Variants in CEP162 observed in about 807,000 individuals in gnomAD.
CEP162 encodes the protein centrosomal protein 162, also known as centrosomal protein of 162 kDa.
CEP162 carries 141 observed loss-of-function variants against 169.2 expected under a neutral mutation model. The ratio of observed to expected loss-of-function variants is 0.83; its 90% CI spans 0.73 to 0.96. The LOEUF is 0.96. Ranked by LOEUF, CEP162 falls within the 40% of genes least tolerant of loss-of-function variation. The pLI is 0.00. For synonymous variants in CEP162, 540 were observed against 526.4 expected, an observed-to-expected ratio of 1.03 and a Z score of -0.35; for missense variants, 1,600 against 1,587.2, an observed-to-expected ratio of 1.01 and a Z score of -0.14.
chr6:84,138,779 T>C (rs1173321648), intron 25 of CEP162, among the ~76,000 whole-genome samples: 1 of 152,220 alleles, frequency 6.6e-6, no homozygotes, highest in Non-Finnish European at 1.5e-5. Flanking sequence ...TTCTTTCTTT[T>C]ATTGCTTTCA....
At chr6:84,219,274 A>G in intron 3 of CEP162, 1 of 673,378 alleles carries the variant, frequency 1.5e-6, no homozygotes, top group Non-Finnish European at 2.4e-6. Context: ...GGACCAGGTT[A>G]TTCCCGTGGG....
chr6:84,153,043 T>C lies in CEP162; in HGVS notation c.3131A>G (p.Asn1044Ser). 6.2e-7 allele frequency: 1 copy of C among 1,613,510 alleles called. No individual in the cohort carries two copies. The highest frequency in any genetic ancestry group is 1.1e-5 in the South Asian group (1 of 91,074). Residue 1044 changes from asparagine to serine, a missense_variant, in exon 23 of 27, where the codon AAC (asparagine) becomes AGC (serine). Physicochemically the swap from Asn to Ser is conservative, Grantham distance 46. Coordinates refer to ENST00000403245, the MANE Select transcript of CEP162 (RefSeq NM_014895.4). ...IKEAHQITVRNLEAEIDVLKH... is the reference protein window; with the variant it reads ...IKEAHQITVRSLEAEIDVLKH... ...AAGAACGTCTATTTCGGCTTCAAGG[T>C]TTCTTACAGTGATCTGATGGGCTTC...
At chr6:84,136,243 T>C (rs2497149) in intron 25 of CEP162, among the ~76,000 whole-genome samples, 3,989 of 151,020 alleles carry the variant, frequency 0.026, 163 homozygotes, top group African/African-American at 0.095. Context: ...TGGGCACATG[T>C]CTTAGTCTGT....
chr6:84,186,145 A>G (rs57890671), intron 12 of CEP162, among the ~76,000 whole-genome samples, 187 bp downstream of exon 12: 4,758 of 152,220 alleles, frequency 0.031, 279 homozygotes, highest in African/African-American at 0.11. Context: ...TTATGGTGGT[A>G]TTTTTGAATT....
rs771117212 is a variant in CEP162, at chr6:84,149,651, T to C, written c.3682A>G (p.Arg1228Gly). Reference protein sequence around the residue: ...HIASLKASHQREIEKLLCQNA... With the variant: ...HIASLKASHQGEIEKLLCQNA... ...TGGCAAAGGAGTTTCTCTATTTCTC[T>C]CTGATGAGATGCTTTGAGGGATGCA... Residue 1228 changes from arginine to glycine, a missense_variant, in exon 24 of 27, where the codon AGA becomes GGA. Coordinates refer to ENST00000403245, the MANE Select transcript of CEP162 (RefSeq NM_014895.4). 8.1e-6 allele frequency: 13 copies of C among 1,597,512 alleles called. No individual in the cohort carries two copies. Among genetic ancestry groups the C allele is most frequent in the African/African-American group, 1.3e-5 (1 of 74,426 alleles).
Position 84,152,765 on chromosome 6 carries a change from T to C in CEP162, c.3409A>G (p.Lys1137Glu), listed in dbSNP as rs1348369127. ...CCTTTACTTGAGTGCAAAACATCTT[T>C]CTTTGCCCTTTTGGCAGACATTTCC... ...REEMSAKRAK[K>E]DVLHSSKGNA... Residue 1137 changes from lysine (K) to glutamate (E), a missense_variant, in exon 23 of 27, where the codon AAA becomes GAA. Lys to Glu is a moderately conservative substitution (Grantham distance 56). Coordinates refer to ENST00000403245, the MANE Select transcript of CEP162 (RefSeq NM_014895.4). The C allele has an allele frequency of 6.2e-7, 1 of 1,613,446 alleles. No homozygotes were observed. Among genetic ancestry groups the C allele is most frequent in the Admixed American group, 1.7e-5 (1 of 59,860 alleles).
At chr6:84,181,381 C>T (rs768967867) in intron 13 of CEP162, among the ~76,000 whole-genome samples, 8 of 152,150 alleles carry the variant, frequency 5.3e-5, no homozygotes, top group African/African-American at 1.4e-4. Context: ...AAACGTCAGA[C>T]GTAAAACCAT....
intron 25 of CEP162, among the ~76,000 whole-genome samples, chr6:84,126,872 C>T (rs565174541): frequency 2.0e-5 from 3 of 152,254 alleles, no homozygotes; most frequent in Non-Finnish European, 4.4e-5. Context: ...ATTTAAAGCA[C>T]TCAACATAGT....
intron 3 of CEP162, among the ~76,000 whole-genome samples, chr6:84,219,722 T>C (rs2099552935): frequency 6.6e-6 from 1 of 152,220 alleles, no homozygotes. Context: ...CTGTCAAATC[T>C]ACTTTAACAT....
At chr6:84,218,365 C>T (rs531855500) in intron 3 of CEP162, among the ~76,000 whole-genome samples, 1 of 152,270 alleles carries the variant, frequency 6.6e-6, no homozygotes, top group Non-Finnish European at 1.5e-5. Context: ...ATGGTTGGAC[C>T]GTGCTCGTCC....
intron 24 of CEP162, among the ~76,000 whole-genome samples, chr6:84,148,225 G>T: frequency 6.6e-6 from 1 of 151,712 alleles, no homozygotes; most frequent in East Asian, 1.9e-4. Flanking sequence ...TTTTCTCAGC[G>T]ATCTGAAGTT....
Position 84,124,717 on chromosome 6 carries a change from CT to C in CEP162, c.*352del. On this transcript the variant is annotated 3_prime_UTR_variant, in exon 27 of 27. Coordinates refer to ENST00000403245, the MANE Select transcript of CEP162 (RefSeq NM_014895.4). Reference sequence around the variant, plus strand: ...ATGTTACAACAAGCACATGTACCCCCTGGATCTAAAATAAAAATTTTAAAAA... The same window carrying C: ...ATGTTACAACAAGCACATGTACCCCCGGATCTAAAATAAAAATTTTAAAAA... 3 of 283,104 alleles carry C rather than the reference CT, an allele frequency of 1.1e-5. No individual in the cohort carries two copies. Among genetic ancestry groups the C allele is most frequent in the South Asian group, 7.2e-5 (2 of 27,718 alleles). The allele number at this position is 283,104 out of a possible 1,614,324, so 17.5% of individuals were successfully genotyped here.
chr6:84,140,183 CTT>C (rs2099515968), intron 25 of CEP162, among the ~76,000 whole-genome samples: 1 of 152,146 alleles, frequency 6.6e-6, no homozygotes, highest in South Asian at 2.1e-4. Context: ...GTGGTGTTCT[CTT>C]TGTTTGATGC....
intron 21 of CEP162, among the ~76,000 whole-genome samples, chr6:84,160,378 C>A (rs1417758573): frequency 2.0e-5 from 3 of 152,168 alleles, no homozygotes; most frequent in Non-Finnish European, 4.4e-5. Flanking sequence ...ATGGCCAGCT[C>A]TTTGGGAAGC....
At chr6:84,129,495 T>C (rs1204906612) in intron 25 of CEP162, among the ~76,000 whole-genome samples, 3 of 152,218 alleles carry the variant, frequency 2.0e-5, no homozygotes, top group Non-Finnish European at 4.4e-5. Context: ...TTTTGAAAAG[T>C]GTCTGTCCAT....
chr6:84,140,908 G>C (rs1186896269), intron 25 of CEP162, among the ~76,000 whole-genome samples: 1 of 152,134 alleles, frequency 6.6e-6, no homozygotes, highest in Non-Finnish European at 1.5e-5. Flanking sequence ...TGGTTTTGTG[G>C]AAGACAATTC....
intron 23 of CEP162, among the ~76,000 whole-genome samples, chr6:84,150,453 C>T (rs893558947): frequency 2.0e-5 from 3 of 152,042 alleles, no homozygotes; most frequent in Non-Finnish European, 4.4e-5. Context: ...CAACTATAGA[C>T]AAATTTATCC....
chr6:84,199,613 G>A (rs754164342), intron 9 of CEP162, among the ~76,000 whole-genome samples: 3 of 150,624 alleles, frequency 2.0e-5, no homozygotes, highest in Non-Finnish European at 4.4e-5. Context: ...TGATTTCTGA[G>A]TTGGTTAGCG....
In CEP162 at chr6:84,189,766, A is replaced by G. The variant is rs528701050; in HGVS notation, c.1110-3143T>C. On this transcript the variant is annotated intron_variant, in intron 11 of 26. Transcript: ENST00000403245. ...GCTGAGGAATGCGAGCACACGGCGC[A>G]GGACTGGCAGGCAGCTCCACCTGCA... 6.1e-3 allele frequency among the ~76,000 whole-genome samples: 931 copies of G among 152,356 alleles called. 9 individuals carry two copies. The highest frequency in any genetic ancestry group is 8.7e-3 in the Non-Finnish European group (595 of 68,028).
Sources: gnomAD v4.1 joint callset for allele counts (sites outside exome capture counted in the v4.1 genomes callset) on GRCh38, gnomAD v4.1.1 for gene constraint, MANE v1.5 for transcripts, NCBI Gene and HGNC (gene_info 2026-07-23, HGNC 2026-07-21) for gene names.